The following SUPT4H1 variants were observed in gnomAD, a reference collection of about 807,000 sequenced individuals.
The protein encoded by SUPT4H1 is SPT4 homolog, DSIF elongation factor subunit, also known as transcription elongation factor SPT4.
SUPT4H1 carries 12 observed loss-of-function variants against 19.4 expected under a neutral mutation model. The ratio of observed to expected loss-of-function variants is 0.62; its 90% CI spans 0.40 to 1.00. SUPT4H1 has a LOEUF of 1.00. Among genes scored for constraint, SUPT4H1 ranks in the 50% least tolerant of loss-of-function variants. SUPT4H1 has a pLI of 0.00. For missense variants in SUPT4H1, 115 were observed against 149.2 expected, an observed-to-expected ratio of 0.77 and a Z score of 1.19; for synonymous variants, 58 against 56.3, an observed-to-expected ratio of 1.03 and a Z score of -0.14.
chr17:58,346,389 G>C (rs11658873), intron 4 of SUPT4H1, 76 bp from the exon 5 acceptor site: 141,871 of 1,250,304 alleles, frequency 0.11, 8,679 homozygotes, highest in Middle Eastern at 0.16. Context: ...GCCACCTTGA[G>C]GGGGGTACTA....
At chr17:58,349,359 G>A (rs774246090) in intron 2 of SUPT4H1, among the ~76,000 whole-genome samples, 11 of 152,198 alleles carry the variant, frequency 7.2e-5, no homozygotes, top group East Asian at 1.9e-4. Flanking sequence ...ATGATGCTGC[G>A]CAGCAGCCAT....
chr17:58,346,097 T>C lies in SUPT4H1; in HGVS notation c.*149A>G, dbSNP rs374883923. On this transcript the variant is annotated 3_prime_UTR_variant, in exon 5 of 5. Transcript: ENST00000225504. ...CACCTGTAGTCCAAAGAAGATAAAA[T>C]GATAAAATGATGTGCTGCTCTCTCA... The C allele has an allele frequency of 1.1e-5, 7 of 631,078 alleles. No homozygotes were observed. Among genetic ancestry groups the C allele is most frequent in the African/African-American group, 5.5e-5 (3 of 54,062 alleles). The allele number at this position is 631,078 out of a possible 1,614,324, so 39.1% of individuals were successfully genotyped here.
At chr17:58,351,799 C>T (rs1598118347) in intron 1 of SUPT4H1, 1 of 574,610 alleles carries the variant, frequency 1.7e-6, no homozygotes, top group Admixed American at 3.2e-5. Context: ...CCGCCTCTGA[C>T]TCCCAGTGTC....
chr17:58,351,331 G>T, intron 2 of SUPT4H1, 71 bp downstream of exon 2: 1 of 1,036,410 alleles, frequency 9.6e-7, no homozygotes, highest in Non-Finnish European at 1.5e-6. Flanking sequence ...ATTAACACTT[G>T]CCCTGCATTT....
intron 2 of SUPT4H1, among the ~76,000 whole-genome samples, chr17:58,350,746 G>T (rs558598003): frequency 1.4e-5 from 2 of 142,728 alleles, no homozygotes; most frequent in Non-Finnish European, 3.0e-5. Context: ...TGAGGCAGGA[G>T]AATTGCTTGA....
In SUPT4H1 at chr17:58,347,219, A is replaced by G. The variant is rs1389958761; in HGVS notation, c.255T>C (p.Tyr85=). 1 of 1,614,240 alleles carries G rather than the reference A, an allele frequency of 6.2e-7. No homozygotes were observed. Among genetic ancestry groups the G allele is most frequent in the South Asian group, 1.1e-5 (1 of 91,092 alleles). The change falls in exon 4 of 5, where the codon TAT becomes TAC. Residue 85 remains tyrosine (Y), a synonymous_variant. Transcript: ENST00000225504. ...QRVSNFKPGV[Y]AVSVTGRLPQ... is the part of the protein sequence containing the mutation. ...GCAGGCGACCAGTGACTGACACCGC[A>G]TATACACCTGGCTTAAAGTTACCTG...
At chr17:58,350,329 T>C (rs1346481003) in intron 2 of SUPT4H1, among the ~76,000 whole-genome samples, 1 of 151,352 alleles carries the variant, frequency 6.6e-6, no homozygotes, top group Non-Finnish European at 1.5e-5. Flanking sequence ...CTGACCAACA[T>C]GGTGAAACCC....
At position 58,346,916 on chromosome 17, in the gene SUPT4H1, C is replaced by T. The variant is rs182551726; in HGVS notation, c.286+272G>A. 7.3e-3 allele frequency among the ~76,000 whole-genome samples: 1,105 copies of T among 152,002 alleles called. 54 individuals are homozygous for T. The highest frequency in any genetic ancestry group is 0.069 in the Admixed American group (1,048 of 15,246). ...AGCACATGAGCCCAGGAGTTAGAGT[C>T]CAGCCTGGGCAACATAGTGAGACCT... On this transcript the variant is annotated intron_variant, in intron 4 of 4. Transcript: ENST00000225504.
rs1294579579 is a variant in SUPT4H1, at chr17:58,352,159, G to A, written c.-24C>T. The A allele has an allele frequency of 2.5e-6, 4 of 1,613,064 alleles. No individual in the cohort carries two copies. The highest frequency in any genetic ancestry group is 3.4e-6 in the Non-Finnish European group (4 of 1,179,088). On this transcript the variant is annotated 5_prime_UTR_variant, in exon 1 of 5. Coordinates refer to ENST00000225504, the MANE Select transcript of SUPT4H1 (RefSeq NM_003168.3). ...ATCTTCGCCGATGGGAAGAACAACA[G>A]GGAGATAGACGACCACAGCCTGTGC...
chr17:58,347,211 G>A lies in SUPT4H1; in HGVS notation c.263C>T (p.Ser88Leu). The change falls in exon 4 of 5, where the codon TCA becomes TTA. Residue 88 changes from serine (S) to leucine (L), a missense_variant. Ser to Leu is a moderately radical substitution (Grantham distance 145, BLOSUM62 -2). Transcript: ENST00000225504. ...ACCTTGGGGCAGGCGACCAGTGACT[G>A]ACACCGCATATACACCTGGCTTAAA... ...SNFKPGVYAV[S>L]VTGRLPQGIV... 1 of 1,614,146 alleles carries A rather than the reference G, an allele frequency of 6.2e-7. No individual in the cohort carries two copies. Among genetic ancestry groups the A allele is most frequent in the Non-Finnish European group, 8.5e-7 (1 of 1,180,022 alleles).
chr17:58,352,012 T>C, intron 1 of SUPT4H1, 55 bp downstream of exon 1: 1 of 1,592,926 alleles, frequency 6.3e-7, no homozygotes, highest in Non-Finnish European at 8.6e-7. Context: ...CATTCCGCCC[T>C]CTTTCCCCGA....
chr17:58,350,296 G>A (rs964915122), intron 2 of SUPT4H1, among the ~76,000 whole-genome samples: 8 of 151,366 alleles, frequency 5.3e-5, no homozygotes, highest in South Asian at 2.1e-4. Context: ...GGTGGATCAC[G>A]AGGTCAGCAG....
At position 58,347,231 on chromosome 17, in the gene SUPT4H1, C is replaced by G. The variant is rs763950244; in HGVS notation, c.243G>C (p.Lys81Asn). Reference protein sequence around the residue: ...VSKWQRVSNFKPGVYAVSVTG... With the variant: ...VSKWQRVSNFNPGVYAVSVTG... ...TGACTGACACCGCATATACACCTGGCTTAAAGTTACCTGAGAGAGAAGAAA... is the reference window on the plus strand; with the variant it reads ...TGACTGACACCGCATATACACCTGGGTTAAAGTTACCTGAGAGAGAAGAAA... The change falls in exon 4 of 5, where the codon AAG (lysine) becomes AAC (asparagine). Residue 81 changes from lysine (K) to asparagine (N), a missense_variant. Coordinates refer to ENST00000225504, the MANE Select transcript of SUPT4H1 (RefSeq NM_003168.3). 1 of 1,614,100 alleles carries G rather than the reference C, an allele frequency of 6.2e-7. No homozygotes were observed. The highest frequency in any genetic ancestry group is 2.2e-5 in the East Asian group (1 of 44,880).
chr17:58,346,228 T>C lies in SUPT4H1; in HGVS notation c.*18A>G, dbSNP rs1395383451. ...GGCAGGAGGTGGAGAGCAAAGATGC[T>C]GGCAGCCTTGCATCTTGCTAGGTCT... is the stretch of plus-strand genomic sequence containing the variant. On this transcript the variant is annotated 3_prime_UTR_variant, in exon 5 of 5. Transcript: ENST00000225504. The C allele has an allele frequency of 3.1e-6, 5 of 1,609,334 alleles. No homozygotes were observed. In the South Asian group the frequency reaches 3.3e-5, roughly 11 times the overall value.
At chr17:58,349,099 T>C (rs968588313) in intron 2 of SUPT4H1, among the ~76,000 whole-genome samples, 2 of 152,238 alleles carry the variant, frequency 1.3e-5, no homozygotes, top group African/African-American at 2.4e-5. Flanking sequence ...CTTTGGGCAC[T>C]GTTGGTGGGA....
intron 3 of SUPT4H1, 21 bp from the exon 4 acceptor site, chr17:58,347,262 T>C (rs930554193): frequency 1.2e-6 from 2 of 1,613,734 alleles, no homozygotes; most frequent in Middle Eastern, 1.6e-4. Context: ...AGAAAAAAGA[T>C]ACAAGATTAC....
At position 58,346,216 on chromosome 17, in the gene SUPT4H1, G is replaced by C; in HGVS notation, c.*30C>G. On this transcript the variant is annotated 3_prime_UTR_variant, in exon 5 of 5. Transcript: ENST00000225504. ...GAAATAAGCAGAGGCAGGAGGTGGAGAGCAAAGATGCTGGCAGCCTTGCAT... is the reference window on the plus strand; with the variant it reads ...GAAATAAGCAGAGGCAGGAGGTGGACAGCAAAGATGCTGGCAGCCTTGCAT... 6.3e-7 allele frequency: 1 copy of C among 1,589,048 alleles called. No individual in the cohort carries two copies. Among genetic ancestry groups the C allele is most frequent in the Non-Finnish European group, 8.6e-7 (1 of 1,157,240 alleles).
intron 2 of SUPT4H1, among the ~76,000 whole-genome samples, chr17:58,350,533 A>ATAAATAAATAAATAAG (rs1371917829): frequency 6.6e-5 from 10 of 151,054 alleles, no homozygotes; most frequent in African/African-American, 1.9e-4. Context: ...AAATAAATAA[A>ATAAATAAATAAATAAG]TAAGTAAAAT....
At chr17:58,347,369 G>T in intron 3 of SUPT4H1, 128 bp from the exon 4 acceptor site, 2 of 1,347,838 alleles carry the variant, frequency 1.5e-6, no homozygotes, top group Non-Finnish European at 2.1e-6. Context: ...GGCTACAAGT[G>T]TTAAATGACA....
Sources: allele counts gnomAD v4.1 joint callset (sites outside exome capture counted in the v4.1 genomes callset), GRCh38; gene constraint gnomAD v4.1.1; transcripts MANE v1.5; gene names NCBI Gene and HGNC (gene_info 2026-07-23, HGNC 2026-07-21).